The following CADPS2 variants were observed in gnomAD, a reference collection of about 807,000 sequenced individuals.
The protein encoded by CADPS2 is calcium dependent secretion activator 2.
In CADPS2, 93 loss-of-function variants were observed where a neutral mutation model predicts 172.5. The ratio of observed to expected loss-of-function variants is 0.54; its 90% CI spans 0.46 to 0.64. The LOEUF (loss-of-function observed/expected upper bound fraction) is 0.64, where lower values mean the gene tolerates loss of function less well. Among genes scored for constraint, CADPS2 ranks in the 30% least tolerant of loss-of-function variants. CADPS2 has a pLI of 0.00. For synonymous variants in CADPS2, 546 were observed against 555.2 expected, an observed-to-expected ratio of 0.98 and a Z score of 0.23; for missense variants, 1,420 against 1,565.9, an observed-to-expected ratio of 0.91 and a Z score of 1.57.
intron 12 of CADPS2, among the ~76,000 whole-genome samples, chr7:122,480,303 TTTTTA>T (rs1398051132): frequency 6.6e-6 from 1 of 151,978 alleles, no homozygotes; most frequent in Non-Finnish European, 1.5e-5. Flanking sequence ...TATAATTTTT[TTTTTA>T]TTTTTCCTAG....
chr7:122,695,677 T>C (rs967394553), intron 2 of CADPS2, among the ~76,000 whole-genome samples: 23 of 152,194 alleles, frequency 1.5e-4, no homozygotes, highest in African/African-American at 5.3e-4. Context: ...AACCACCCTT[T>C]AAAGAACATC....
chr7:122,711,772 C>A (rs1289600644), intron 2 of CADPS2, among the ~76,000 whole-genome samples: 12 of 152,142 alleles, frequency 7.9e-5, no homozygotes, highest in East Asian at 7.8e-4. Context: ...CCTGCCTCAG[C>A]CCCCTGAATA....
At chr7:122,442,845 T>A (rs898365242) in intron 15 of CADPS2, among the ~76,000 whole-genome samples, 1 of 152,164 alleles carries the variant, frequency 6.6e-6, no homozygotes, top group African/African-American at 2.4e-5. Flanking sequence ...TGTCCTTTCT[T>A]AATCTTGCTG....
In CADPS2 at chr7:122,632,250, T is replaced by C. The variant is rs577675056; in HGVS notation, c.787-2922A>G. 2.6e-5 allele frequency among the ~76,000 whole-genome samples: 4 copies of C among 152,320 alleles called. No homozygotes were observed. In the South Asian group the frequency reaches 8.3e-4, roughly 32 times the overall value. ...GTAGGATTTCTAGGTGTAACAGTAG[T>C]TCTGTTTTAACTTCTTTGAGAAATC... is the stretch of plus-strand genomic sequence containing the variant. On this transcript the variant is annotated intron_variant, in intron 3 of 29. Transcript: ENST00000449022.
chr7:122,475,934 G>A (rs900827115), intron 12 of CADPS2, among the ~76,000 whole-genome samples: 11 of 152,044 alleles, frequency 7.2e-5, no homozygotes, highest in African/African-American at 2.7e-4. Flanking sequence ...AAATTAACTG[G>A]ATGAACACAA....
intron 1 of CADPS2, among the ~76,000 whole-genome samples, chr7:122,877,362 C>T (rs973831414): frequency 6.6e-6 from 1 of 152,072 alleles, no homozygotes; most frequent in East Asian, 1.9e-4. Context: ...TGGATCAAAA[C>T]AAGGGCTTTG....
chr7:122,837,297 A>G (rs900924291), intron 1 of CADPS2, among the ~76,000 whole-genome samples: 17 of 152,240 alleles, frequency 1.1e-4, no homozygotes, highest in African/African-American at 4.1e-4. Flanking sequence ...AGGGAAATTT[A>G]TAGCACTAAA....
chr7:122,438,562 A>T (rs2050955805), intron 16 of CADPS2, 98 bp from the exon 17 acceptor site: 4 of 1,326,786 alleles, frequency 3.0e-6, no homozygotes, highest in Non-Finnish European at 4.2e-6. Context: ...CTAAAGACAA[A>T]TTACACAAAT....
intron 15 of CADPS2, among the ~76,000 whole-genome samples, chr7:122,448,594 C>G (rs1388251618): frequency 6.6e-6 from 1 of 152,120 alleles, no homozygotes; most frequent in Non-Finnish European, 1.5e-5. Context: ...CTGTCCACTA[C>G]TATGTAGTTG....
intron 1 of CADPS2, chr7:122,850,486 G>T: frequency 4.4e-6 from 1 of 227,004 alleles, no homozygotes. Context: ...TCTTCCTTGT[G>T]GCAGGGGGGC....
At position 122,470,484 on chromosome 7, in the gene CADPS2, ATTTATTT is replaced by A. The variant is rs1311467851; in HGVS notation, c.2186+884_2186+890del. Among the ~76,000 whole-genome samples the A allele has an allele frequency of 3.9e-5, 6 of 151,920 alleles. No homozygotes were observed. The East Asian group carries it at 1.2e-3, about 29-fold the overall frequency. ...AGGGGAGTGATATGGACAGATTTTT[ATTTATTT>A]TTTATTTTTATTTTTATTTTTTAAG... On this transcript the variant is annotated intron_variant, in intron 14 of 29. Transcript: ENST00000449022.
chr7:122,645,368 T>C (rs543558586), intron 3 of CADPS2, among the ~76,000 whole-genome samples: 2 of 66,488 alleles, frequency 3.0e-5, no homozygotes, highest in Admixed American at 1.7e-4. Flanking sequence ...CATGTACATG[T>C]ATACACACAT....
At position 122,358,565 on chromosome 7, in the gene CADPS2, C is replaced by T. The variant is rs1256638667; in HGVS notation, c.3504+2223G>A. ...TATATATTTTATCTTATATTTTCTT[C>T]TTGAAGTTGTATAGTTCTGCATTGT... On this transcript the variant is annotated intron_variant, in intron 27 of 29. Transcript: ENST00000449022. 2.0e-5 allele frequency among the ~76,000 whole-genome samples: 3 copies of T among 151,888 alleles called. 1 individual carries two copies. Among genetic ancestry groups the T allele is most frequent in the Non-Finnish European group, 4.4e-5 (3 of 67,930 alleles).
chr7:122,861,339 T>G (rs1816893956), intron 1 of CADPS2, among the ~76,000 whole-genome samples: 1 of 152,234 alleles, frequency 6.6e-6, no homozygotes, highest in Non-Finnish European at 1.5e-5. Context: ...TTGATTTGCA[T>G]TTCCCCGATA....
chr7:122,551,643 C>T (rs1449017410), intron 8 of CADPS2, among the ~76,000 whole-genome samples: 1 of 151,958 alleles, frequency 6.6e-6, no homozygotes, highest in African/African-American at 2.4e-5. Flanking sequence ...ATCCATTATC[C>T]TCCAATTTAT....
intron 1 of CADPS2, among the ~76,000 whole-genome samples, chr7:122,781,520 C>T (rs558195757): frequency 2.0e-5 from 3 of 152,094 alleles, no homozygotes; most frequent in Non-Finnish European, 4.4e-5. Context: ...ACATTTATTT[C>T]CTTCAACTGC....
rs188455395 is a variant in CADPS2 at position 122,669,279 on chromosome 7, C to T, written c.454-5710G>A. Among the ~76,000 whole-genome samples the T allele has an allele frequency of 2.5e-3, 377 of 151,616 alleles. 2 individuals carry two copies. The South Asian group carries it at 0.036, about 14-fold the overall frequency. On this transcript the variant is annotated intron_variant, in intron 2 of 29. Coordinates refer to ENST00000449022, the MANE Select transcript of CADPS2 (RefSeq NM_017954.11). Reference sequence around the variant, plus strand: ...CCAAAAGCTGGAGGTTGTAGTGAGCCATGATCACACCACTGCACTCCAAAC... The same window carrying T: ...CCAAAAGCTGGAGGTTGTAGTGAGCTATGATCACACCACTGCACTCCAAAC...
chr7:122,478,234 A>G (rs2056926477), intron 12 of CADPS2, among the ~76,000 whole-genome samples: 2 of 152,306 alleles, frequency 1.3e-5, no homozygotes, highest in Admixed American at 6.5e-5. Flanking sequence ...TAAACAGAAA[A>G]TTATTCATGG....
rs572212798 is a variant in CADPS2 at position 122,680,795 on chromosome 7, C to T, written c.454-17226G>A. On this transcript the variant is annotated intron_variant, in intron 2 of 29. Transcript: ENST00000449022. Reference sequence around the variant, plus strand: ...CATTACTGGGTATATACCCAAAGGACTATAAATCATGCTTCTATAAAGACA... The same window carrying T: ...CATTACTGGGTATATACCCAAAGGATTATAAATCATGCTTCTATAAAGACA... Among the ~76,000 whole-genome samples, 12 of 152,242 alleles carry T rather than the reference C, an allele frequency of 7.9e-5. No homozygotes were observed. The East Asian group carries it at 2.3e-3, about 29-fold the overall frequency.
Sources: gnomAD v4.1 joint callset for allele counts (sites outside exome capture counted in the v4.1 genomes callset) on GRCh38, gnomAD v4.1.1 for gene constraint, MANE v1.5 for transcripts, NCBI Gene and HGNC (gene_info 2026-07-23, HGNC 2026-07-21) for gene names.